Variants in HOGA1 observed in about 807,000 individuals in gnomAD.
The protein encoded by HOGA1 is 4-hydroxy-2-oxoglutarate aldolase, mitochondrial.
Under a neutral mutation model 34.3 loss-of-function variants are expected in HOGA1, and 30 were observed. That is an observed-to-expected ratio of 0.87 (90% CI 0.65 to 1.19). HOGA1 has a LOEUF of 1.19. Ranked by LOEUF, HOGA1 falls within the 50% of genes most tolerant of loss-of-function variation. The pLI is 0.00. For synonymous variants in HOGA1, 161 were observed against 174.0 expected, an observed-to-expected ratio of 0.93 and a Z score of 0.59; for missense variants, 417 against 436.5, an observed-to-expected ratio of 0.96 and a Z score of 0.40.
At chr10:97,607,192 C>T (rs1356265759) in intron 6 of HOGA1, among the ~76,000 whole-genome samples, 3 of 151,890 alleles carry the variant, frequency 2.0e-5, no homozygotes, top group Non-Finnish European at 4.4e-5. Flanking sequence ...TAGAAGAGCC[C>T]CCTGGCTGCT....
intron 5 of HOGA1, 122 bp downstream of exon 5, chr10:97,600,285 C>T (rs2041106604): frequency 1.2e-6 from 1 of 848,098 alleles, no homozygotes; most frequent in Admixed American, 1.9e-5. Flanking sequence ...GCCAGCCTGC[C>T]CACTCTGAAA....
intron 6 of HOGA1, 174 bp downstream of exon 6, chr10:97,602,164 C>T (rs916259244): frequency 4.1e-5 from 63 of 1,548,526 alleles, no homozygotes; most frequent in East Asian, 2.2e-4. Context: ...ATCCTGACTT[C>T]GGACAAAGTC....
At chr10:97,590,397 A>C (rs2041011035) in intron 1 of HOGA1, 1 of 1,614,006 alleles carries the variant, frequency 6.2e-7, no homozygotes, top group Non-Finnish European at 8.5e-7. Flanking sequence ...AACCAGGAGG[A>C]GCTGAGGGCC....
chr10:97,588,957 G>A (rs2040994678), intron 1 of HOGA1, among the ~76,000 whole-genome samples: 1 of 152,038 alleles, frequency 6.6e-6, no homozygotes, highest in African/African-American at 2.4e-5. Flanking sequence ...TTAGTTGTCT[G>A]CACCTATGGA....
intron 1 of HOGA1, among the ~76,000 whole-genome samples, chr10:97,593,824 G>A (rs542853075): frequency 1.2e-4 from 18 of 152,210 alleles, no homozygotes; most frequent in Non-Finnish European, 1.9e-4. Context: ...ACACAAGCAA[G>A]GGTGCAGAGG....
In HOGA1 at chr10:97,584,490, A is replaced by G; in HGVS notation, c.-214A>G. 1 of 562,864 alleles carries G rather than the reference A, an allele frequency of 1.8e-6. No individual in the cohort carries two copies. The highest frequency in any genetic ancestry group is 3.1e-6 in the Non-Finnish European group (1 of 318,176). 34.9% of individuals were successfully genotyped at this position (562,864 alleles called of 1,614,324 possible). On this transcript the variant is annotated 5_prime_UTR_variant, in exon 1 of 7. Transcript: ENST00000370646. ...GGACACTGGGTTGTGGCATCTCTCT[A>G]GCTGCTACCCAGAAGGAACAGGGCC...
chr10:97,607,685 G>A (rs2041167389), intron 6 of HOGA1, among the ~76,000 whole-genome samples: 1 of 152,016 alleles, frequency 6.6e-6, no homozygotes, highest in Admixed American at 6.6e-5. Context: ...TTTATATAAT[G>A]TCCAGATAAT....
At chr10:97,589,656 A>G in intron 1 of HOGA1, 2 of 432,792 alleles carry the variant, frequency 4.6e-6, no homozygotes, top group East Asian at 4.2e-5. Context: ...CCTTCCTCAC[A>G]ATGGGGTTCA....
At chr10:97,602,182 A>G in intron 6 of HOGA1, 192 bp downstream of exon 6, 1 of 1,546,634 alleles carries the variant, frequency 6.5e-7, no homozygotes, top group South Asian at 1.2e-5. Context: ...GTCGAGCACC[A>G]CTGATTGTCA....
chr10:97,611,768 C>A lies in HOGA1; in HGVS notation c.*109C>A. ...ATGAGGGTGGCAGGCAGCGGGGAGC[C>A]GATAGAGGCTCCTTTGCCTGCTGTG... On this transcript the variant is annotated 3_prime_UTR_variant, in exon 7 of 7. Coordinates refer to ENST00000370646, the MANE Select transcript of HOGA1 (RefSeq NM_138413.4). 2 of 1,347,710 alleles carry A rather than the reference C, an allele frequency of 1.5e-6. No individual in the cohort carries two copies. The highest frequency in any genetic ancestry group is 2.0e-6 in the Non-Finnish European group (2 of 979,148). The allele number at this position is 1,347,710 out of a possible 1,614,324, so 83.5% of individuals were successfully genotyped here. A position where few individuals can be genotyped will look rare whatever the true frequency, so the allele number is the denominator to read the frequency against.
intron 1 of HOGA1, among the ~76,000 whole-genome samples, chr10:97,586,958 G>T (rs1459047963): frequency 6.6e-6 from 1 of 152,194 alleles, no homozygotes; most frequent in Non-Finnish European, 1.5e-5. Flanking sequence ...TGCCACTTCT[G>T]CCAGTTAACA....
intron 1 of HOGA1, among the ~76,000 whole-genome samples, chr10:97,586,712 T>C (rs557699898): frequency 1.4e-4 from 21 of 152,310 alleles, no homozygotes; most frequent in Non-Finnish European, 2.5e-4. Context: ...CAGACTCTTC[T>C]CTGGACCCTC....
intron 6 of HOGA1, among the ~76,000 whole-genome samples, chr10:97,604,717 C>T (rs1201057220): frequency 6.6e-6 from 1 of 152,076 alleles, no homozygotes; most frequent in Non-Finnish European, 1.5e-5. Context: ...AGCAGTGGCT[C>T]ACACCTGTAA....
At chr10:97,590,318 CT>C (rs1425621199) in intron 1 of HOGA1, 1 of 1,613,894 alleles carries the variant, frequency 6.2e-7, no homozygotes, top group Admixed American at 1.7e-5. Context: ...GGGGCGGCAC[CT>C]GGCTCACTCC....
intron 6 of HOGA1, among the ~76,000 whole-genome samples, chr10:97,602,931 A>T (rs941516139): frequency 6.6e-6 from 1 of 152,200 alleles, no homozygotes; most frequent in Non-Finnish European, 1.5e-5. Flanking sequence ...GCCTCAAGTG[A>T]TCTGCCCACC....
intron 5 of HOGA1, chr10:97,600,493 C>A (rs913806140): frequency 1.2e-5 from 5 of 414,188 alleles, no homozygotes; most frequent in South Asian, 1.1e-4. Flanking sequence ...TCTCTGAGGG[C>A]AGAGGCCCTG....
intron 6 of HOGA1, among the ~76,000 whole-genome samples, chr10:97,610,531 T>C (rs1188774009): frequency 6.6e-6 from 1 of 152,140 alleles, no homozygotes; most frequent in Non-Finnish European, 1.5e-5. Flanking sequence ...ATGCCTGTAA[T>C]CCTAGCACTT....
chr10:97,602,409 C>A, intron 6 of HOGA1: 1 of 985,244 alleles, frequency 1.0e-6, no homozygotes, highest in Non-Finnish European at 1.2e-6. Flanking sequence ...CTGGGGCTGG[C>A]AAAGGAGTTA....
At chr10:97,589,935 C>T (rs1318430367) in intron 1 of HOGA1, 1 of 1,613,944 alleles carries the variant, frequency 6.2e-7, no homozygotes, top group East Asian at 2.2e-5. Flanking sequence ...AGAAAGGAAA[C>T]CTCTGAGTGT....
Sources: gnomAD v4.1 joint callset for allele counts (sites outside exome capture counted in the v4.1 genomes callset) on GRCh38, gnomAD v4.1.1 for gene constraint, MANE v1.5 for transcripts, NCBI Gene and HGNC (gene_info 2026-07-23, HGNC 2026-07-21) for gene names.